Variants in MOB1A observed in about 807,000 individuals in gnomAD.
MOB1A encodes MOB kinase activator 1A.
MOB1A carries 10 observed loss-of-function variants against 25.1 expected under a neutral mutation model. The observed-to-expected ratio is 0.40, with a 90% CI of 0.25 to 0.68. The LOEUF (loss-of-function observed/expected upper bound fraction) is 0.68. Among genes scored for constraint, MOB1A ranks in the 30% least tolerant of loss-of-function variants. The pLI is 0.40. For missense variants in MOB1A, 177 were observed against 256.3 expected (o/e 0.69, Z 2.11); for synonymous variants, 81 against 79.5 (o/e 1.02, Z -0.10).
rs899437520 is a variant in MOB1A, at chr2:74,152,785, T to G, written c.*3783A>C. 2.0e-5 allele frequency: 3 copies of G among 152,234 alleles called. No individual in the cohort carries two copies. The highest frequency in any genetic ancestry group is 4.4e-5 in the Non-Finnish European group (3 of 68,040). The allele number at this position is 152,234 out of a possible 1,614,324, so 9.4% of individuals were successfully genotyped here. ...GTAACCAAAACTAACTTACACAAAC[T>G]ATTTTTGATGTAGAATAGAATGCTG... On this transcript the variant is annotated 3_prime_UTR_variant, in exon 6 of 6. Coordinates refer to ENST00000396049, the MANE Select transcript of MOB1A (RefSeq NM_018221.5).
At chr2:74,160,042 C>T (rs1050974647) in intron 4 of MOB1A, among the ~76,000 whole-genome samples, 3 of 152,162 alleles carry the variant, frequency 2.0e-5, no homozygotes, top group Admixed American at 6.5e-5. Context: ...GTCTCGAATT[C>T]CTGGCCTCAA....
intron 1 of MOB1A, among the ~76,000 whole-genome samples, chr2:74,173,777 CG>C (rs1693370344): frequency 6.7e-6 from 1 of 149,192 alleles, no homozygotes; most frequent in East Asian, 2.0e-4. Flanking sequence ...GGTGAAACCC[CG>C]TCTCTACTAA....
At chr2:74,159,662 A>G (rs1220745445) in intron 4 of MOB1A, among the ~76,000 whole-genome samples, 1 of 152,182 alleles carries the variant, frequency 6.6e-6, no homozygotes, top group African/African-American at 2.4e-5. Flanking sequence ...CTACCTCTGT[A>G]TATATTTTTT....
chr2:74,153,689 T>C lies in MOB1A; in HGVS notation c.*2879A>G, dbSNP rs1692720949. ...TGAAGGCCTGAAAATTAAAGCACCA[T>C]AGGATTAACTGCATAATTTAGCAAG... On this transcript the variant is annotated 3_prime_UTR_variant, in exon 6 of 6. Coordinates refer to ENST00000396049, the MANE Select transcript of MOB1A (RefSeq NM_018221.5). 1 of 152,170 alleles carries C rather than the reference T, an allele frequency of 6.6e-6. No homozygotes were observed. Among genetic ancestry groups the C allele is most frequent in the Non-Finnish European group, 1.5e-5 (1 of 68,032 alleles). 9.4% of individuals were successfully genotyped at this position (152,170 alleles called of 1,614,324 possible). A position where few individuals can be genotyped will look rare whatever the true frequency, so the allele number is the denominator to read the frequency against.
chr2:74,156,803 CTTTTTT>C (rs766417864), intron 5 of MOB1A, among the ~76,000 whole-genome samples, 158 bp from the exon 6 acceptor site: 1 of 148,966 alleles, frequency 6.7e-6, no homozygotes, highest in Non-Finnish European at 1.5e-5. Context: ...TATTCTTTTT[CTTTTTT>C]TTTTCTTTTT....
chr2:74,163,962 G>A (rs924758868), intron 4 of MOB1A: 1 of 151,902 alleles, frequency 6.6e-6, no homozygotes, highest in Non-Finnish European at 1.5e-5. Context: ...AAATATCCCA[G>A]AATAGCTGTG....
chr2:74,159,199 C>G lies in MOB1A; in HGVS notation c.465G>C (p.Leu155=), dbSNP rs139154225. ...MSVAKTILKR[L]FRVYAHIYHQ... ...GATAAATATGGGCATAAACCCTGAA[C>G]AGACGCTTTAGAATAGTCTTTGCCA... Residue 155 remains leucine (L), a synonymous_variant, in exon 5 of 6, where the codon CTG becomes CTC. Coordinates refer to ENST00000396049, the MANE Select transcript of MOB1A (RefSeq NM_018221.5). 2 of 1,613,876 alleles carry G rather than the reference C, an allele frequency of 1.2e-6. No individual in the cohort carries two copies. The highest frequency in any genetic ancestry group is 2.2e-5 in the East Asian group (1 of 44,900).
At chr2:74,178,587 C>T (rs2103760000) in intron 1 of MOB1A, 74 bp downstream of exon 1, 2 of 1,152,630 alleles carry the variant, frequency 1.7e-6, no homozygotes, top group East Asian at 6.4e-5. Context: ...GCCGAGCCCT[C>T]GCCTCAGGTC....
At chr2:74,162,680 GA>G (rs1693007324) in intron 4 of MOB1A, among the ~76,000 whole-genome samples, 1 of 152,072 alleles carries the variant, frequency 6.6e-6, no homozygotes, top group African/African-American at 2.4e-5. Context: ...TAGCAGAATG[GA>G]AAAACTGACC....
chr2:74,152,548 A>G lies in MOB1A; in HGVS notation c.*4020T>C, dbSNP rs1016479959. The G allele has an allele frequency of 2.0e-5, 3 of 152,206 alleles. No homozygotes were observed. Among genetic ancestry groups the G allele is most frequent in the East Asian group, 3.8e-4 (2 of 5,206 alleles). The allele number at this position is 152,206 out of a possible 1,614,324, so 9.4% of individuals were successfully genotyped here. A position where few individuals can be genotyped will look rare whatever the true frequency, so the allele number is the denominator to read the frequency against. On this transcript the variant is annotated 3_prime_UTR_variant, in exon 6 of 6. Transcript: ENST00000396049. ...GAATCTGCAAAACTCTCAAGTTTCTATATTTAAATAGAAATGTGTGTTGAT... is the reference window on the plus strand; with the variant it reads ...GAATCTGCAAAACTCTCAAGTTTCTGTATTTAAATAGAAATGTGTGTTGAT...
intron 2 of MOB1A, among the ~76,000 whole-genome samples, chr2:74,171,244 C>T (rs148936293): frequency 7.7e-4 from 115 of 149,716 alleles, no homozygotes; most frequent in African/African-American, 2.7e-3. Context: ...GCCAAGATTT[C>T]GCCACTGCAC....
chr2:74,161,693 G>A (rs1171447799), intron 4 of MOB1A, among the ~76,000 whole-genome samples: 1 of 150,542 alleles, frequency 6.6e-6, no homozygotes, highest in African/African-American at 2.4e-5. Context: ...AGTGGCTCAT[G>A]CCTGTAATCT....
chr2:74,166,921 C>T (rs1003891094), intron 3 of MOB1A, 93 bp downstream of exon 3: 6 of 913,644 alleles, frequency 6.6e-6, no homozygotes, highest in Admixed American at 2.2e-5. Context: ...CACCTTCACA[C>T]AAACGGATAA....
At chr2:74,177,803 G>C (rs890114674) in intron 1 of MOB1A, among the ~76,000 whole-genome samples, 2 of 152,128 alleles carry the variant, frequency 1.3e-5, no homozygotes, top group Non-Finnish European at 2.9e-5. Flanking sequence ...GGTAGAGAGA[G>C]ACACCTGAGA....
At chr2:74,163,509 G>A (rs115405683) in intron 4 of MOB1A, among the ~76,000 whole-genome samples, 3,964 of 152,044 alleles carry the variant, frequency 0.026, 161 homozygotes, top group African/African-American at 0.091. Context: ...GTAGTGGTGC[G>A]TGCCTACAGT....
chr2:74,156,934 G>A (rs1415051790), intron 5 of MOB1A, among the ~76,000 whole-genome samples: 1 of 151,706 alleles, frequency 6.6e-6, no homozygotes, highest in Non-Finnish European at 1.5e-5. Flanking sequence ...AAGCCACCAC[G>A]TCCAGCCCTC....
rs1040925606 is a variant in MOB1A, at chr2:74,155,379, C to G, written c.*1189G>C. ...GCTCAGTCCATCTTTTGAATATTAA[C>G]AAAATGAGGATTTTTTTAAAACTTA... On this transcript the variant is annotated 3_prime_UTR_variant, in exon 6 of 6. Coordinates refer to ENST00000396049, the MANE Select transcript of MOB1A (RefSeq NM_018221.5). The G allele has an allele frequency of 6.6e-6, 1 of 152,578 alleles. No individual in the cohort carries two copies. The highest frequency in any genetic ancestry group is 1.5e-5 in the Non-Finnish European group (1 of 67,994). 9.5% of individuals were successfully genotyped at this position (152,578 alleles called of 1,614,324 possible). A position where few individuals can be genotyped will look rare whatever the true frequency, so the allele number is the denominator to read the frequency against.
chr2:74,165,063 T>A lies in MOB1A; in HGVS notation c.409+155A>T, dbSNP rs148607089. ...GGCTGGATACGGTGGCTCAAACCTG[T>A]AATCCCAGCACTGTGGGAGGCCAAG... On this transcript the variant is annotated intron_variant, in intron 4 of 5. Coordinates refer to ENST00000396049, the MANE Select transcript of MOB1A (RefSeq NM_018221.5). 3,834 of 429,014 alleles carry A rather than the reference T, an allele frequency of 8.9e-3. 123 individuals are homozygous for A. The highest frequency in any genetic ancestry group is 0.07 in the African/African-American group (3,440 of 48,922). 26.6% of individuals were successfully genotyped at this position (429,014 alleles called of 1,614,324 possible).
rs1161301861 is a variant in MOB1A at position 74,165,265 on chromosome 2, C to G, written c.362G>C (p.Trp121Ser). ...TTCATCATCAAGCTGATCTTGAACC[C>G]AAGTCATCAAATAGTCAATGTATTT... is the stretch of plus-strand genomic sequence containing the variant. ...APKYIDYLMTWVQDQLDDETL... is the reference protein window; with the variant it reads ...APKYIDYLMTSVQDQLDDETL... Residue 121 changes from tryptophan (W) to serine (S), a missense_variant, in exon 4 of 6, where the codon TGG (tryptophan) becomes TCG (serine). Transcript: ENST00000396049. 3 of 1,572,178 alleles carry G rather than the reference C, an allele frequency of 1.9e-6. No individual in the cohort carries two copies. Among genetic ancestry groups the G allele is most frequent in the Non-Finnish European group, 2.6e-6 (3 of 1,157,036 alleles).
Sources: gnomAD v4.1 joint callset for allele counts (sites outside exome capture counted in the v4.1 genomes callset) on GRCh38, gnomAD v4.1.1 for gene constraint, MANE v1.5 for transcripts, NCBI Gene and HGNC (gene_info 2026-07-23, HGNC 2026-07-21) for gene names.